The following ERG variants were observed in gnomAD, a reference collection of about 807,000 sequenced individuals.
The protein encoded by ERG is transcriptional regulator ERG.
In ERG, 9 loss-of-function variants were observed where a neutral mutation model predicts 55.3. The ratio of observed to expected loss-of-function variants is 0.16; its 90% CI spans 0.10 to 0.28. ERG has a LOEUF of 0.28. ERG is among the 10% of genes least tolerant of loss of function. ERG has a pLI of 1.00. For missense variants in ERG, 434 were observed against 631.6 expected (o/e 0.69, Z 3.35); for synonymous variants, 223 against 237.3 (o/e 0.94, Z 0.55).
At chr21:38,640,137 A>G (rs1015776591) in intron 1 of ERG, among the ~76,000 whole-genome samples, 1 of 152,236 alleles carries the variant, frequency 6.6e-6, no homozygotes, top group Admixed American at 6.5e-5. Context: ...ATTGAAAATC[A>G]ATGAAAAATC....
chr21:38,569,061 C>T (rs2059941076), intron 2 of ERG, among the ~76,000 whole-genome samples: 1 of 152,194 alleles, frequency 6.6e-6, no homozygotes, highest in Admixed American at 6.5e-5. Context: ...ACCCCAGCAG[C>T]AGCTCCCCTG....
intron 1 of ERG, among the ~76,000 whole-genome samples, chr21:38,609,863 A>G (rs1241628687): frequency 6.6e-6 from 1 of 152,276 alleles, no homozygotes; most frequent in African/African-American, 2.4e-5. Context: ...TTTCTTCAAA[A>G]AGACTCAGAA....
intron 2 of ERG, among the ~76,000 whole-genome samples, chr21:38,559,383 C>CTTTTTTTTTTT (rs574207119): frequency 2.2e-5 from 2 of 92,062 alleles, no homozygotes; most frequent in Admixed American, 1.4e-4. Context: ...TCCCATTTCC[C>CTTTTTTTTTTT]TTTTTTTTTT....
At chr21:38,636,129 T>C (rs1004170403) in intron 1 of ERG, among the ~76,000 whole-genome samples, 1 of 152,190 alleles carries the variant, frequency 6.6e-6, no homozygotes, top group Admixed American at 6.5e-5. Flanking sequence ...TTCCCCCTAT[T>C]GATCAGCATT....
intron 2 of ERG, among the ~76,000 whole-genome samples, chr21:38,571,388 G>A (rs1423230086): frequency 6.6e-6 from 1 of 152,030 alleles, no homozygotes; most frequent in Non-Finnish European, 1.5e-5. Flanking sequence ...GTGCACACCT[G>A]TAGTCCCAGC....
At chr21:38,368,820 A>G in the ERG span, among the ~76,000 whole-genome samples, 1 of 152,070 alleles carries the variant, frequency 6.6e-6, no homozygotes, top group Non-Finnish European at 1.5e-5. Context: ...CTATGCGTCC[A>G]TGTATTCTCA....
At chr21:38,485,757 C>T (rs926466555) in intron 1 of ERG, among the ~76,000 whole-genome samples, 4 of 151,576 alleles carry the variant, frequency 2.6e-5, no homozygotes, top group African/African-American at 9.7e-5. Context: ...CGCGCCTGGC[C>T]AATATACAGT....
intron 1 of ERG, among the ~76,000 whole-genome samples, chr21:38,489,093 C>T (rs1205415525): frequency 6.6e-6 from 1 of 152,194 alleles, no homozygotes; most frequent in African/African-American, 2.4e-5. Context: ...GGCTGGCTAT[C>T]TGTGTAGGAA....
intron 1 of ERG, among the ~76,000 whole-genome samples, chr21:38,596,820 C>T (rs1382134050): frequency 6.6e-6 from 1 of 152,166 alleles, no homozygotes; most frequent in Non-Finnish European, 1.5e-5. Flanking sequence ...AAGTGGTTTA[C>T]CTCCCAGGAG....
chr21:38,393,525 A>G (rs1264671718), intron 6 of ERG, among the ~76,000 whole-genome samples: 1 of 152,228 alleles, frequency 6.6e-6, no homozygotes, highest in Admixed American at 6.5e-5. Context: ...GCTGCCAGAC[A>G]CCAGGAGATG....
chr21:38,573,004 CCCTAGCCACTTTGA>C (rs2059968828), intron 2 of ERG, among the ~76,000 whole-genome samples: 1 of 152,228 alleles, frequency 6.6e-6, no homozygotes, highest in Non-Finnish European at 1.5e-5. Flanking sequence ...AACCACTTTG[CCCTAGCCACTTTGA>C]CCCAACCTGG....
intron 3 of ERG, among the ~76,000 whole-genome samples, chr21:38,405,164 G>A (rs1264191494): frequency 6.6e-6 from 1 of 152,090 alleles, no homozygotes; most frequent in African/African-American, 2.4e-5. Context: ...AAGTTAGTAC[G>A]TGTATCACTC....
chr21:38,564,225 T>C (rs749795831), intron 2 of ERG, among the ~76,000 whole-genome samples: 1 of 152,166 alleles, frequency 6.6e-6, no homozygotes, highest in Non-Finnish European at 1.5e-5. Flanking sequence ...TACGATAAGA[T>C]GTACTTTCTT....
intron 2 of ERG, among the ~76,000 whole-genome samples, chr21:38,426,555 G>A (rs73434963): frequency 0.042 from 6,430 of 152,196 alleles, 438 homozygotes; most frequent in African/African-American, 0.15. Context: ...AGTGCCGGCC[G>A]TATACCAGGT....
chr21:38,445,683 T>C, intron 1 of ERG, 62 bp from the exon 2 acceptor site: 1 of 1,442,396 alleles, frequency 6.9e-7, no homozygotes, highest in Non-Finnish European at 9.7e-7. Context: ...TTTCAAAAAG[T>C]TGTTGATTTC....
intron 9 of ERG, among the ~76,000 whole-genome samples, chr21:38,385,504 T>C (rs1276747975): frequency 1.3e-5 from 2 of 152,240 alleles, no homozygotes; most frequent in African/African-American, 4.8e-5. Context: ...TCACCCAACT[T>C]ATAAACTCTG....
intron 1 of ERG, among the ~76,000 whole-genome samples, chr21:38,605,637 G>A (rs947170787): frequency 3.3e-5 from 5 of 152,178 alleles, no homozygotes; most frequent in East Asian, 1.9e-4. Flanking sequence ...TAAGCACTGC[G>A]GGTGGGGTTC....
At chr21:38,594,465 A>G (rs2060119547) in intron 1 of ERG, among the ~76,000 whole-genome samples, 1 of 152,110 alleles carries the variant, frequency 6.6e-6, no homozygotes, top group South Asian at 2.1e-4. Flanking sequence ...GTATGAACTG[A>G]GCACTCACCC....
intron 1 of ERG, among the ~76,000 whole-genome samples, chr21:38,620,766 T>A (rs1045910531): frequency 2.0e-5 from 3 of 152,228 alleles, no homozygotes; most frequent in African/African-American, 7.2e-5. Flanking sequence ...AGTTTCCCAG[T>A]ACACAAGTGT....
Sources: gnomAD v4.1 joint callset for allele counts (sites outside exome capture counted in the v4.1 genomes callset) on GRCh38, gnomAD v4.1.1 for gene constraint, MANE v1.5 for transcripts, NCBI Gene and HGNC (gene_info 2026-07-23, HGNC 2026-07-21) for gene names.